CIAO3: variants seen among roughly 807,000 people sequenced by gnomAD.
CIAO3 encodes the protein cytosolic iron-sulfur assembly component 3, also known as LET1 like/JFP15.
A neutral mutation model predicts 51.5 loss-of-function variants in CIAO3; 45 were observed. The observed-to-expected ratio is 0.87, with a 90% CI of 0.69 to 1.12. The LOEUF is 1.12. CIAO3 is among the 50% of genes most tolerant of loss of function. The probability of loss-of-function intolerance (pLI) is 0.00; values close to 1 mark genes in which losing one functional copy is unlikely to be tolerated. For synonymous variants in CIAO3, 314 were observed against 269.3 expected, an observed-to-expected ratio of 1.17 and a Z score of -1.63; for missense variants, 668 against 632.5, an observed-to-expected ratio of 1.06 and a Z score of -0.60.
At chr16:740,631 G>A (rs1677395851) in intron 1 of CIAO3, 1 of 496,598 alleles carries the variant, frequency 2.0e-6, no homozygotes. Context: ...GCAGGCCGGC[G>A]CGAGCCCGCG....
intron 1 of CIAO3, chr16:740,131 G>GGT (rs1243760957): frequency 3.1e-6 from 4 of 1,300,066 alleles, no homozygotes; most frequent in Non-Finnish European, 4.0e-6. Flanking sequence ...CCTGCTCAGT[G>GGT]CCCGGGAAAC....
At chr16:736,093 CTCAAATG>C (rs1021947758) in intron 4 of CIAO3, among the ~76,000 whole-genome samples, 166 bp downstream of exon 4, 2 of 152,154 alleles carry the variant, frequency 1.3e-5, no homozygotes, top group African/African-American at 4.8e-5. Flanking sequence ...AGGCCCTGCT[CTCAAATG>C]TCAAATCAAA....
chr16:740,458 G>A lies in CIAO3; in HGVS notation c.66+462C>T, dbSNP rs570378778. 239 of 302,044 alleles carry A rather than the reference G, an allele frequency of 7.9e-4. 1 individual carries two copies. Among genetic ancestry groups the A allele is most frequent in the African/African-American group, 4.5e-3 (206 of 45,652 alleles). The allele number at this position is 302,044 out of a possible 1,614,324, so 18.7% of individuals were successfully genotyped here. The stretch of plus-strand genomic sequence containing the variant: ...CCCCACCGCACCCGTTTATGCAGAT[G>A]CAAAGGCTGTGGCTTGGGGGTCCTG... On this transcript the variant is annotated intron_variant, in intron 1 of 10. Transcript: ENST00000251588.
Position 736,359 on chromosome 16 carries a change from C to A in CIAO3, c.346G>T (p.Val116Phe). ...AGCGATGCTCTAGACTGTGGTGAGA[C>A]CGAAACTACAACCAGCCTCTGCTGA... is the stretch of plus-strand genomic sequence containing the variant. Reference protein sequence around the residue: ...PSQQRLVVVSVSPQSRASLAA... With the variant: ...PSQQRLVVVSFSPQSRASLAA... The change falls in exon 4 of 11, where the codon GTC (valine) becomes TTC (phenylalanine). Residue 116 changes from valine (V) to phenylalanine (F), a missense_variant. By Grantham distance (50) the Val-to-Phe change is conservative. Transcript: ENST00000251588. 6 of 1,612,990 alleles carry A rather than the reference C, an allele frequency of 3.7e-6. No individual in the cohort carries two copies. The highest frequency in any genetic ancestry group is 5.1e-6 in the Non-Finnish European group (6 of 1,179,814).
In CIAO3 at chr16:734,768, C is replaced by G; in HGVS notation, c.543G>C (p.Gln181His). ...AGGCAGAGGCCAGCAGGGGCAGCGC[C>G]TGTCTGCAGTCGGCCTGTCCTCGGA... ...RRFRGQADCR[Q>H]ALPLLASACP... The change falls in exon 5 of 11, where the codon CAG becomes CAC. Residue 181 changes from glutamine to histidine, a missense_variant. By Grantham distance (24) the Gln-to-His change is conservative (BLOSUM62 0). Transcript: ENST00000251588. 1 of 1,611,700 alleles carries G rather than the reference C, an allele frequency of 6.2e-7. No individual in the cohort carries two copies. The highest frequency in any genetic ancestry group is 8.5e-7 in the Non-Finnish European group (1 of 1,178,958).
At position 737,638 on chromosome 16, in the gene CIAO3, T is replaced by C; in HGVS notation, c.163-309A>G. 1 of 1,359,700 alleles carries C rather than the reference T, an allele frequency of 7.4e-7. No homozygotes were observed. Among genetic ancestry groups the C allele is most frequent in the Non-Finnish European group, 9.7e-7 (1 of 1,035,538 alleles). The allele number at this position is 1,359,700 out of a possible 1,614,324, so 84.2% of individuals were successfully genotyped here. A position where few individuals can be genotyped will look rare whatever the true frequency, so the allele number is the denominator to read the frequency against. ...CTCACCCATGGGGCCCTGGACGGGG[T>C]GCTGGCCCCGGTGCACACTCACAGG... On this transcript the variant is annotated intron_variant, in intron 2 of 10. Transcript: ENST00000251588. The surrounding 1 kb of genome is among the most constrained non-coding windows in gnomAD (Gnocchi z 5.3).
Position 730,640 on chromosome 16 carries a change from C to G in CIAO3, c.1208G>C (p.Gly403Ala), listed in dbSNP as rs1306360383. ...CCTGTCTGGGGCCTGGAGCTGGCCC[C>G]CGCCGTTCAGGCAGCCTATGGGAGA... ...MACPSGCLNG[G>A]GQLQAPDRPS... The change falls in exon 11 of 11, where the codon GGG (glycine) becomes GCG (alanine). Residue 403 changes from glycine to alanine, a missense_variant. Coordinates refer to ENST00000251588, the MANE Select transcript of CIAO3 (RefSeq NM_022493.3). 6.2e-7 allele frequency: 1 copy of G among 1,609,438 alleles called. No individual in the cohort carries two copies. The highest frequency in any genetic ancestry group is 8.5e-7 in the Non-Finnish European group (1 of 1,179,878).
chr16:732,638 G>A, intron 7 of CIAO3: 3 of 531,390 alleles, frequency 5.6e-6, no homozygotes, highest in Non-Finnish European at 1.0e-5. Flanking sequence ...TAGGCAGTCT[G>A]CTTTTCTTTT....
chr16:735,178 T>G lies in CIAO3; in HGVS notation c.440-307A>C, dbSNP rs565213052. On this transcript the variant is annotated intron_variant, in intron 4 of 10. Transcript: ENST00000251588. Reference sequence around the variant, plus strand: ...CCTCCCAGCTCTTCAGCGTGGCTGGTCCAGGGAATTGCCACGTGCGCTGCT... The same window carrying G: ...CCTCCCAGCTCTTCAGCGTGGCTGGGCCAGGGAATTGCCACGTGCGCTGCT... The G allele has an allele frequency of 2.6e-5, 9 of 346,054 alleles. No individual in the cohort carries two copies. The South Asian group carries it at 4.7e-4, about 18-fold the overall frequency. The allele number at this position is 346,054 out of a possible 1,614,324, so 21.4% of individuals were successfully genotyped here.
chr16:733,042 C>T (rs1389555576), intron 7 of CIAO3: 2 of 489,448 alleles, frequency 4.1e-6, no homozygotes, highest in South Asian at 2.3e-5. Context: ...TCTCTGCCCA[C>T]CTCCAAAGAC....
At chr16:740,761 G>T in intron 1 of CIAO3, 159 bp downstream of exon 1, 1 of 658,922 alleles carries the variant, frequency 1.5e-6, no homozygotes, top group Non-Finnish European at 2.5e-6. Flanking sequence ...CAGTGTCTGA[G>T]GCCCCGCGCC....
Position 730,017 on chromosome 16 carries a change from G to C in CIAO3, c.*400C>G, listed in dbSNP as rs2041254197. 2 of 349,390 alleles carry C rather than the reference G, an allele frequency of 5.7e-6. No individual in the cohort carries two copies. The highest frequency in any genetic ancestry group is 1.9e-3 in the Middle Eastern group (2 of 1,072). 21.6% of individuals were successfully genotyped at this position (349,390 alleles called of 1,614,324 possible). The stretch of plus-strand genomic sequence containing the variant: ...CCACCTTTTGCACAGAGCTTCAAGG[G>C]AAGCCTCCAGAAGTCAGGGGTGAGA... On this transcript the variant is annotated 3_prime_UTR_variant, in exon 11 of 11. Coordinates refer to ENST00000251588, the MANE Select transcript of CIAO3 (RefSeq NM_022493.3).
intron 8 of CIAO3, 145 bp downstream of exon 8, chr16:732,156 G>T: frequency 1.2e-6 from 1 of 846,068 alleles, no homozygotes. Context: ...GGGGTGACAG[G>T]CGTGAGCTAC....
At position 734,914 on chromosome 16, in the gene CIAO3, G is replaced by A. The variant is rs371273064; in HGVS notation, c.440-43C>T. The A allele has an allele frequency of 5.7e-5, 86 of 1,506,114 alleles. No homozygotes were observed. In the Admixed American group the frequency reaches 6.2e-4, roughly 11 times the overall value. The allele number at this position is 1,506,114 out of a possible 1,614,324, so 93.3% of individuals were successfully genotyped here. A position where few individuals can be genotyped will look rare whatever the true frequency, so the allele number is the denominator to read the frequency against. ...GTGCCTGGTTAACCCCATGCGGGAC[G>A]CCCACACGAGCACACGCCGGCGTGT... On this transcript the variant is annotated intron_variant, in intron 4 of 10. Coordinates refer to ENST00000251588, the MANE Select transcript of CIAO3 (RefSeq NM_022493.3).
chr16:734,817 C>T lies in CIAO3; in HGVS notation c.494G>A (p.Ser165Asn). Residue 165 changes from serine to asparagine, a missense_variant, in exon 5 of 11, where the codon AGC (serine) becomes AAC (asparagine). Ser to Asn is a conservative substitution (Grantham distance 46, BLOSUM62 1). Coordinates refer to ENST00000251588, the MANE Select transcript of CIAO3 (RefSeq NM_022493.3). Reference protein sequence around the residue: ...AFSRHFSLLESQREFVRRFRG... With the variant: ...AFSRHFSLLENQREFVRRFRG... The stretch of plus-strand genomic sequence containing the variant: ...GAATCGCCGCACAAACTCTCGCTGG[C>T]TCTCCAGGAGGCTGAAGTGCCTTGA... The T allele has an allele frequency of 6.2e-7, 1 of 1,601,644 alleles. No homozygotes were observed. The highest frequency in any genetic ancestry group is 8.5e-7 in the Non-Finnish European group (1 of 1,172,020).
At chr16:731,917 G>A (rs757990810) in intron 8 of CIAO3, 4 of 630,490 alleles carry the variant, frequency 6.3e-6, no homozygotes, top group Non-Finnish European at 1.0e-5. Context: ...CGCCCAGGCT[G>A]GAGTGCAGTG....
Position 737,437 on chromosome 16 carries a change from T to C in CIAO3, c.163-108A>G. On this transcript the variant is annotated intron_variant, in intron 2 of 10. Transcript: ENST00000251588. This position sits in a 1 kb window ranked among gnomAD's most constrained non-coding sequence, Gnocchi z 5.3. ...ACCGACAACCAACATGGCTGCTGGC[T>C]GGGCTTGTGTGCCGCTGAATTTTTA... 6.3e-7 allele frequency: 1 copy of C among 1,579,324 alleles called. No individual in the cohort carries two copies. Among genetic ancestry groups the C allele is most frequent in the Non-Finnish European group, 8.6e-7 (1 of 1,161,974 alleles).
intron 8 of CIAO3, 63 bp downstream of exon 8, chr16:732,238 A>T: frequency 2.0e-6 from 3 of 1,507,712 alleles, no homozygotes; most frequent in Non-Finnish European, 2.7e-6. Context: ...GAGCAGGGGG[A>T]TGCTATCCTC....
rs752789262 is a variant in CIAO3 at position 732,297 on chromosome 16, G to A, written c.896+4C>T. The A allele has an allele frequency of 1.9e-6, 3 of 1,609,598 alleles. No individual in the cohort carries two copies. The highest frequency in any genetic ancestry group is 1.7e-5 in the Admixed American group (1 of 59,878). On this transcript the variant is annotated splice_donor_region_variant and intron_variant, in intron 8 of 10. Transcript: ENST00000251588. ...TAACAGTTCTTGGTGGCAGACATACGTACAGGCTGTCCAGAGGGGCTGGTT... is the reference window on the plus strand; with the variant it reads ...TAACAGTTCTTGGTGGCAGACATACATACAGGCTGTCCAGAGGGGCTGGTT...
Sources: allele counts gnomAD v4.1 joint callset (sites outside exome capture counted in the v4.1 genomes callset), GRCh38; gene constraint gnomAD v4.1.1; non-coding constraint Gnocchi (gnomAD v3.1); transcripts MANE v1.5; gene names NCBI Gene and HGNC (gene_info 2026-07-23, HGNC 2026-07-21).